Variants in TCERG1 observed in about 807,000 individuals in gnomAD.
TCERG1 encodes TATA box binding protein (TBP)-associated factor, RNA polymerase II, S, 150kD.
Under a neutral mutation model 144.7 loss-of-function variants are expected in TCERG1, and 37 were observed. The observed-to-expected ratio is 0.26, with a 90% CI of 0.20 to 0.34. TCERG1 has a LOEUF of 0.34. Ranked by LOEUF, TCERG1 falls within the 10% of genes least tolerant of loss-of-function variation. TCERG1 has a pLI of 1.00. For missense variants in TCERG1, 1,027 were observed against 1,380.7 expected, an observed-to-expected ratio of 0.74 and a Z score of 4.06; for synonymous variants, 492 against 458.2, an observed-to-expected ratio of 1.07 and a Z score of -0.94.
chr5:146,462,980 C>T (rs780941612), intron 4 of TCERG1, among the ~76,000 whole-genome samples: 3 of 152,144 alleles, frequency 2.0e-5, no homozygotes, highest in Non-Finnish European at 4.4e-5. Context: ...ATAATTTTCT[C>T]TATATTTACC....
chr5:146,452,396 G>T (rs1392235117), intron 1 of TCERG1, among the ~76,000 whole-genome samples: 1 of 152,016 alleles, frequency 6.6e-6, no homozygotes, highest in African/African-American at 2.4e-5. Flanking sequence ...ATTTTTTTAA[G>T]ATCCTGCATA....
At chr5:146,509,758 A>C (rs1768313390) in intron 22 of TCERG1, among the ~76,000 whole-genome samples, 1 of 152,188 alleles carries the variant, frequency 6.6e-6, no homozygotes, top group South Asian at 2.1e-4. Context: ...GCCTTTAAAC[A>C]AGATTTCTCT....
chr5:146,503,793 A>C, intron 18 of TCERG1, 31 bp from the exon 19 acceptor site: 1 of 1,552,450 alleles, frequency 6.4e-7, no homozygotes, highest in Non-Finnish European at 8.7e-7. Flanking sequence ...TGGAGTTGGT[A>C]AGAAGGATAA....
Position 146,478,566 on chromosome 5 carries a change from C to G in TCERG1, c.1675C>G (p.Pro559Ala). 6.8e-6 allele frequency: 11 copies of G among 1,612,576 alleles called. No homozygotes were observed. The highest frequency in any genetic ancestry group is 9.3e-6 in the Non-Finnish European group (11 of 1,179,516). ...PTTRLSMWDRPDDLIGRADVD... is the reference protein window; with the variant it reads ...PTTRLSMWDRADDLIGRADVD... Reference sequence around the variant, plus strand: ...CACTCGTCTTTCTATGTGGGACCGACCTGATGATCTGATTGGCAGGGCAGA... The same window carrying G: ...CACTCGTCTTTCTATGTGGGACCGAGCTGATGATCTGATTGGCAGGGCAGA... Residue 559 changes from proline to alanine, a missense_variant, in exon 10 of 23, where the codon CCT becomes GCT. Transcript: ENST00000679501.
intron 19 of TCERG1, among the ~76,000 whole-genome samples, chr5:146,505,010 C>T (rs1366729566): frequency 6.6e-6 from 1 of 150,912 alleles, no homozygotes; most frequent in Non-Finnish European, 1.5e-5. Context: ...CGCGCCACTG[C>T]ACTCCAGCCT....
At chr5:146,454,965 C>G (rs1762700573) in intron 1 of TCERG1, 91 bp from the exon 2 acceptor site, 7 of 1,377,734 alleles carry the variant, frequency 5.1e-6, no homozygotes. Flanking sequence ...GACTTAAGAA[C>G]CTTTTAAATT....
intron 15 of TCERG1, among the ~76,000 whole-genome samples, chr5:146,486,174 G>A (rs1765813387): frequency 6.6e-6 from 1 of 152,154 alleles, no homozygotes; most frequent in African/African-American, 2.4e-5. Context: ...TTACACATTT[G>A]CACTTTGTAA....
chr5:146,496,240 T>A (rs994648859), intron 16 of TCERG1, among the ~76,000 whole-genome samples: 8 of 152,232 alleles, frequency 5.3e-5, no homozygotes, highest in Non-Finnish European at 1.2e-4. Context: ...CATCCTTTTA[T>A]TTAACCTGTT....
At chr5:146,498,792 C>A in intron 17 of TCERG1, 106 bp downstream of exon 17, 1 of 1,153,520 alleles carries the variant, frequency 8.7e-7, no homozygotes, top group Non-Finnish European at 1.1e-6. Context: ...AATAATAGGA[C>A]GTACATGGAC....
At chr5:146,481,688 A>T (rs961891632) in intron 13 of TCERG1, 2 of 152,202 alleles carry the variant, frequency 1.3e-5, no homozygotes, top group Non-Finnish European at 2.9e-5. Context: ...AAATATACTT[A>T]GCAGATCATA....
chr5:146,493,084 C>G, intron 16 of TCERG1, 46 bp downstream of exon 16: 1 of 1,298,068 alleles, frequency 7.7e-7, no homozygotes, highest in African/African-American at 1.5e-5. Context: ...TTTATTTTCT[C>G]CTAAGATCAG....
chr5:146,492,631 A>G (rs952060492), intron 15 of TCERG1, among the ~76,000 whole-genome samples: 11 of 152,170 alleles, frequency 7.2e-5, no homozygotes, highest in Admixed American at 6.5e-4. Context: ...CCGCATTTCT[A>G]AATTTCTTGA....
chr5:146,467,450 A>C (rs1441002943), intron 5 of TCERG1, among the ~76,000 whole-genome samples: 1 of 152,148 alleles, frequency 6.6e-6, no homozygotes, highest in Non-Finnish European at 1.5e-5. Context: ...TTCTCAGTTA[A>C]TCAGTCTTAG....
rs111879925 is a variant in TCERG1 at position 146,459,111 on chromosome 5, A to T, written c.666A>T (p.Gln222His). ...AGGCCCAGGCCCAGGCCCAGGCCCA[A>T]GCCCAAGCCCAGGCCCAGGCTCAGG... is the stretch of plus-strand genomic sequence containing the variant. Reference protein sequence around the residue: ...QAQAQAQAQAQAQAQAQAQAQ... With the variant: ...QAQAQAQAQAHAQAQAQAQAQ... The change falls in exon 4 of 23, where the codon CAA (glutamine) becomes CAT (histidine). Residue 222 changes from glutamine to histidine, a missense_variant. Physicochemically the swap from Gln to His is conservative, Grantham distance 24. Coordinates refer to ENST00000679501, the MANE Select transcript of TCERG1 (RefSeq NM_001382548.1). 4.5e-6 allele frequency: 7 copies of T among 1,556,966 alleles called. No homozygotes were observed. The highest frequency in any genetic ancestry group is 6.2e-6 in the Non-Finnish European group (7 of 1,135,472).
chr5:146,483,119 TTTAA>T (rs1765510457), intron 14 of TCERG1, among the ~76,000 whole-genome samples: 1 of 152,164 alleles, frequency 6.6e-6, no homozygotes, highest in South Asian at 2.1e-4. Context: ...TTATTTGCAA[TTTAA>T]TTGAGAAGGG....
In TCERG1 at chr5:146,507,465, A is replaced by T; in HGVS notation, c.2961+258A>T. On this transcript the variant is annotated intron_variant, in intron 20 of 22. Coordinates refer to ENST00000679501, the MANE Select transcript of TCERG1 (RefSeq NM_001382548.1). This position sits in a 1 kb window ranked among gnomAD's most constrained non-coding sequence, Gnocchi z 4.6. ...AGCCATGTGGTCAGTGATCCCTCCT[A>T]ATAATAGATTTAGCAAATTTCTTCT... The T allele has an allele frequency of 2.6e-6, 1 of 382,962 alleles. No homozygotes were observed. Among genetic ancestry groups the T allele is most frequent in the Admixed American group, 4.4e-5 (1 of 22,882 alleles). 23.7% of individuals were successfully genotyped at this position (382,962 alleles called of 1,614,324 possible).
In TCERG1 at chr5:146,482,826, G is replaced by T; in HGVS notation, c.2073+99G>T. 9 of 1,315,786 alleles carry T rather than the reference G, an allele frequency of 6.8e-6. 1 individual carries two copies. Among genetic ancestry groups the T allele is most frequent in the Non-Finnish European group, 7.9e-6 (8 of 1,008,626 alleles). The allele number at this position is 1,315,786 out of a possible 1,614,324, so 81.5% of individuals were successfully genotyped here. Reference sequence around the variant, plus strand: ...AATCTAAGGTTAGTGCTCATGTTATGGGGGGGGATAAGGGGATTTTTAAAA... The same window carrying T: ...AATCTAAGGTTAGTGCTCATGTTATTGGGGGGGATAAGGGGATTTTTAAAA... On this transcript the variant is annotated intron_variant, in intron 14 of 22. Transcript: ENST00000679501.
chr5:146,462,767 T>C (rs1436660788), intron 4 of TCERG1, among the ~76,000 whole-genome samples: 1 of 152,188 alleles, frequency 6.6e-6, no homozygotes, highest in Non-Finnish European at 1.5e-5. Context: ...ATTCATCAAA[T>C]GAAACCTGTT....
At chr5:146,494,448 A>G (rs1304630667) in intron 16 of TCERG1, among the ~76,000 whole-genome samples, 2 of 152,164 alleles carry the variant, frequency 1.3e-5, no homozygotes, top group Non-Finnish European at 2.9e-5. Flanking sequence ...ACTAAGTCTT[A>G]CCATATCGTA....
Sources: gnomAD v4.1 joint callset for allele counts (sites outside exome capture counted in the v4.1 genomes callset) on GRCh38, gnomAD v4.1.1 for gene constraint, Gnocchi (gnomAD v3.1) non-coding constraint, MANE v1.5 for transcripts, NCBI Gene and HGNC (gene_info 2026-07-23, HGNC 2026-07-21) for gene names.